MCRIP1: variants seen among roughly 807,000 people sequenced by gnomAD.
MCRIP1 encodes MAPK regulated corepressor interacting protein 1, also known as mapk-regulated corepressor-interacting protein 1.
MCRIP1 carries 10 observed loss-of-function variants against 14.4 expected under a neutral mutation model. The ratio of observed to expected loss-of-function variants is 0.70; its 90% CI spans 0.43 to 1.18. The LOEUF (loss-of-function observed/expected upper bound fraction) is 1.18, where lower values mean the gene tolerates loss of function less well. Ranked by LOEUF, MCRIP1 falls within the 50% of genes most tolerant of loss-of-function variation. MCRIP1 has a pLI of 0.00. For synonymous variants in MCRIP1, 53 were observed against 55.7 expected (o/e 0.95, Z 0.21); for missense variants, 119 against 135.4 (o/e 0.88, Z 0.60).
At chr17:81,827,143 C>T (rs571655019) in intron 1 of MCRIP1, among the ~76,000 whole-genome samples, 18 of 150,838 alleles carry the variant, frequency 1.2e-4, no homozygotes, top group Non-Finnish European at 2.5e-4. Context: ...AAGCCAGGTA[C>T]GGTTGCTGGC....
chr17:81,824,721 G>C, intron 1 of MCRIP1, 167 bp from the exon 2 acceptor site: 1 of 1,448,338 alleles, frequency 6.9e-7, no homozygotes, highest in African/African-American at 1.4e-5. Context: ...GCCACAGGCA[G>C]CCAGTGGGCT....
At chr17:81,833,067 C>A (rs2038553818) in intron 1 of MCRIP1, among the ~76,000 whole-genome samples, 171 bp downstream of exon 1, 1 of 149,692 alleles carries the variant, frequency 6.7e-6, no homozygotes. Context: ...AGGTGCCGGG[C>A]GGGGAACGCG....
Position 81,823,221 on chromosome 17 carries a change from G to A in MCRIP1, c.*26C>T. On this transcript the variant is annotated 3_prime_UTR_variant, in exon 5 of 5. Coordinates refer to ENST00000455127, the MANE Select transcript of MCRIP1 (RefSeq NM_207368.5). This position sits in a 1 kb window ranked among gnomAD's most constrained non-coding sequence, Gnocchi z 6.0. ...CGACACCTCGCACCCTGATCTTCCG[G>A]AGGCCGGGGAGGGGCACCGGGCGCT... The A allele has an allele frequency of 6.5e-7, 1 of 1,535,276 alleles. No individual in the cohort carries two copies. Among genetic ancestry groups the A allele is most frequent in the Non-Finnish European group, 8.7e-7 (1 of 1,146,386 alleles).
chr17:81,826,087 C>A, intron 1 of MCRIP1: 1 of 1,475,036 alleles, frequency 6.8e-7, no homozygotes, highest in South Asian at 1.3e-5. Context: ...CCTCCAGTGG[C>A]CACTTGGCCT....
At chr17:81,831,535 C>A (rs1278125860) in intron 1 of MCRIP1, among the ~76,000 whole-genome samples, 1 of 152,074 alleles carries the variant, frequency 6.6e-6, no homozygotes, top group African/African-American at 2.4e-5. Context: ...GCACTGGGGA[C>A]TGAAAGAAGA....
chr17:81,823,268 C>G lies in MCRIP1; in HGVS notation c.273G>C (p.Thr91=). The G allele has an allele frequency of 6.5e-7, 1 of 1,536,850 alleles. No individual in the cohort carries two copies. Among genetic ancestry groups the G allele is most frequent in the Non-Finnish European group, 8.7e-7 (1 of 1,146,788 alleles). The change falls in exon 5 of 5, where the codon ACG becomes ACC. Residue 91 remains threonine, a synonymous_variant. Transcript: ENST00000455127. This position sits in a 1 kb window ranked among gnomAD's most constrained non-coding sequence, Gnocchi z 6.0. The stretch of plus-strand genomic sequence containing the variant: ...CGCTCTAGGACTTCTTGGCATCCTG[C>G]GTGCTCCGGCGCTTCAGGTCACTCA... The part of the protein sequence containing the change: ...IDLSDLKRRS[T]QDAKKS
In MCRIP1 at chr17:81,823,459, C is replaced by T. The variant is rs2038315880; in HGVS notation, c.182G>A (p.Gly61Asp). ...LRGQVPGGERGLVEEYVEKVP... is the reference protein window; with the variant it reads ...LRGQVPGGERDLVEEYVEKVP... ...CTTCTCCACATACTCCTCCACCAGG[C>T]CCCGCTCGCCACCCGGCACCTGGCC... Residue 61 changes from glycine (G) to aspartate (D), a missense_variant, in exon 4 of 5, where the codon GGC becomes GAC. Transcript: ENST00000455127. The surrounding 1 kb of genome is among the most constrained non-coding windows in gnomAD (Gnocchi z 6.0). 6.5e-7 allele frequency: 1 copy of T among 1,536,726 alleles called. No homozygotes were observed. Among genetic ancestry groups the T allele is most frequent in the Non-Finnish European group, 8.7e-7 (1 of 1,146,764 alleles).
At chr17:81,828,294 C>T (rs2038452546) in intron 1 of MCRIP1, among the ~76,000 whole-genome samples, 1 of 149,884 alleles carries the variant, frequency 6.7e-6, no homozygotes, top group Non-Finnish European at 1.5e-5. Flanking sequence ...ACACATAGCC[C>T]CAGGCTTTCC....
intron 1 of MCRIP1, among the ~76,000 whole-genome samples, chr17:81,828,743 G>A (rs935479725): frequency 2.0e-5 from 3 of 152,208 alleles, no homozygotes; most frequent in Admixed American, 6.5e-5. Flanking sequence ...GCAGAGGGCC[G>A]AGGCATGGAC....
chr17:81,825,718 G>C (rs1301657360), intron 1 of MCRIP1: 1 of 1,289,258 alleles, frequency 7.8e-7, no homozygotes. Flanking sequence ...CCCAGGCCAG[G>C]AGTGAGGTCC....
At position 81,823,788 on chromosome 17, in the gene MCRIP1, G is replaced by A. The variant is rs1395714258; in HGVS notation, c.128-275C>T. ...CCTACCCCAGGCTTCCCTGCGCCTCGGAGGCAGCGCATCCTCCTCAGCTAG... is the reference window on the plus strand; with the variant it reads ...CCTACCCCAGGCTTCCCTGCGCCTCAGAGGCAGCGCATCCTCCTCAGCTAG... On this transcript the variant is annotated intron_variant, in intron 3 of 4. Coordinates refer to ENST00000455127, the MANE Select transcript of MCRIP1 (RefSeq NM_207368.5). The surrounding 1 kb of genome is among the most constrained non-coding windows in gnomAD (Gnocchi z 6.0). The A allele has an allele frequency of 1.7e-6, 1 of 585,438 alleles. No individual in the cohort carries two copies. Among genetic ancestry groups the A allele is most frequent in the Non-Finnish European group, 3.0e-6 (1 of 329,272 alleles). The allele number at this position is 585,438 out of a possible 1,614,324, so 36.3% of individuals were successfully genotyped here.
At chr17:81,825,882 T>C (rs946280491) in intron 1 of MCRIP1, 5 of 1,290,618 alleles carry the variant, frequency 3.9e-6, no homozygotes, top group South Asian at 2.5e-5. Flanking sequence ...CCTGTTTGGG[T>C]TGAGGGTCCC....
At chr17:81,824,013 G>C (rs2038330154) in intron 3 of MCRIP1, among the ~76,000 whole-genome samples, 1 of 152,166 alleles carries the variant, frequency 6.6e-6, no homozygotes, top group Non-Finnish European at 1.5e-5. Flanking sequence ...CTGGCTCCCA[G>C]TGCGGCCTCT....
intron 1 of MCRIP1, chr17:81,826,004 C>T (rs751470950): frequency 1.5e-6 from 2 of 1,362,862 alleles, no homozygotes; most frequent in Non-Finnish European, 1.9e-6. Context: ...TCACCACTGA[C>T]CGACTGCTGC....
intron 1 of MCRIP1, 128 bp from the exon 2 acceptor site, chr17:81,824,682 C>A: frequency 1.4e-6 from 2 of 1,477,532 alleles, no homozygotes; most frequent in Non-Finnish European, 9.0e-7. Context: ...CCTCTGCCTA[C>A]CAGGGTGTCC....
At position 81,823,195 on chromosome 17, in the gene MCRIP1, C is replaced by CCGACA. The variant is rs1458878433; in HGVS notation, c.*47_*51dup. The CCGACA allele has an allele frequency of 6.6e-7, 1 of 1,516,448 alleles. No homozygotes were observed. The highest frequency in any genetic ancestry group is 8.8e-7 in the Non-Finnish European group (1 of 1,130,198). The allele number at this position is 1,516,448 out of a possible 1,614,324, so 93.9% of individuals were successfully genotyped here. On this transcript the variant is annotated 3_prime_UTR_variant, in exon 5 of 5. Transcript: ENST00000455127. This position sits in a 1 kb window ranked among gnomAD's most constrained non-coding sequence, Gnocchi z 6.0. Reference sequence around the variant, plus strand: ...GGCAGGACCACAGGACAGGAGGGAACCGACACCTCGCACCCTGATCTTCCG... The same window carrying CCGACA: ...GGCAGGACCACAGGACAGGAGGGAACCGACACGACACCTCGCACCCTGATCTTCCG...
chr17:81,833,188 CCCGCCCCGCCCCGCCCCGTCCCCG>C (rs1288442823), intron 1 of MCRIP1, 26 bp downstream of exon 1: 1 of 145,270 alleles, frequency 6.9e-6, no homozygotes, highest in Non-Finnish European at 1.5e-5. Context: ...CCCAGCCGCG[CCCGCCCCGCCCCGCCCCGTCCCCG>C]CCGCCCGGCG....
At chr17:81,833,196 G>A (rs974244011) in intron 1 of MCRIP1, 42 bp downstream of exon 1, 2 of 138,094 alleles carry the variant, frequency 1.4e-5, no homozygotes, top group African/African-American at 2.6e-5. Context: ...CGCCCGCCCC[G>A]CCCCGCCCCG....
At chr17:81,828,174 G>A (rs142748151) in intron 1 of MCRIP1, among the ~76,000 whole-genome samples, 4,525 of 152,154 alleles carry the variant, frequency 0.03, 228 homozygotes, top group African/African-American at 0.1. Context: ...CACAGGCTGT[G>A]TCCTCTAAGT....
Sources: allele counts gnomAD v4.1 joint callset (sites outside exome capture counted in the v4.1 genomes callset), GRCh38; gene constraint gnomAD v4.1.1; non-coding constraint Gnocchi (gnomAD v3.1); transcripts MANE v1.5; gene names NCBI Gene and HGNC (gene_info 2026-07-23, HGNC 2026-07-21).